HMBOX1: variants seen among roughly 807,000 people sequenced by gnomAD.
The protein encoded by HMBOX1 is homeobox-containing protein 1.
In HMBOX1, 14 loss-of-function variants were observed where a neutral mutation model predicts 54.5. The observed-to-expected ratio is 0.26, with a 90% CI of 0.17 to 0.40. HMBOX1 has a LOEUF of 0.40. HMBOX1 is among the 10% of genes least tolerant of loss of function. The pLI is 1.00. For synonymous variants in HMBOX1, 160 were observed against 181.0 expected, an observed-to-expected ratio of 0.88 and a Z score of 0.93; for missense variants, 332 against 514.4, an observed-to-expected ratio of 0.65 and a Z score of 3.43.
chr8:28,905,995 T>C (rs933661657), intron 1 of HMBOX1, among the ~76,000 whole-genome samples: 4 of 152,248 alleles, frequency 2.6e-5, no homozygotes, highest in African/African-American at 9.6e-5. Context: ...TTTGGCTACA[T>C]GAATTTATGC....
At chr8:28,941,867 T>C (rs1035214539) in intron 1 of HMBOX1, among the ~76,000 whole-genome samples, 1 of 152,232 alleles carries the variant, frequency 6.6e-6, no homozygotes, top group Non-Finnish European at 1.5e-5. Context: ...GAATAACTTT[T>C]AGTTTCCTCT....
At chr8:29,035,865 T>C (rs1199223517) in intron 6 of HMBOX1, among the ~76,000 whole-genome samples, 1 of 152,250 alleles carries the variant, frequency 6.6e-6, no homozygotes, top group Non-Finnish European at 1.5e-5. Context: ...TCAGTTTTAC[T>C]GTTTTTGTGT....
intron 6 of HMBOX1, among the ~76,000 whole-genome samples, chr8:29,023,537 G>A (rs1801533353): frequency 6.6e-6 from 1 of 151,398 alleles, no homozygotes; most frequent in Middle Eastern, 3.2e-3. Flanking sequence ...TGAGTAGCTG[G>A]GACTACAGGC....
intron 1 of HMBOX1, among the ~76,000 whole-genome samples, chr8:28,907,711 T>A (rs1255879674): frequency 2.0e-5 from 3 of 152,220 alleles, no homozygotes; most frequent in Non-Finnish European, 2.9e-5. Context: ...GACCACCGAA[T>A]TATAAAGCAC....
At chr8:28,986,525 G>A (rs1830184121) in intron 4 of HMBOX1, among the ~76,000 whole-genome samples, 1 of 152,156 alleles carries the variant, frequency 6.6e-6, no homozygotes, top group East Asian at 1.9e-4. Context: ...CCAGTTTTAT[G>A]TGGATCTCCA....
chr8:28,995,461 A>G (rs969929612), intron 4 of HMBOX1, among the ~76,000 whole-genome samples: 3 of 152,222 alleles, frequency 2.0e-5, no homozygotes, highest in Non-Finnish European at 4.4e-5. Context: ...TAATGCTGCT[A>G]TGAACATTTG....
chr8:28,893,881 T>C (rs1436479411), intron 1 of HMBOX1, among the ~76,000 whole-genome samples: 1 of 152,232 alleles, frequency 6.6e-6, no homozygotes, highest in Non-Finnish European at 1.5e-5. Context: ...TTTAGTTCTG[T>C]TCATTTCATT....
intron 1 of HMBOX1, among the ~76,000 whole-genome samples, chr8:28,943,498 T>A (rs1039622862): frequency 6.6e-6 from 1 of 152,198 alleles, no homozygotes; most frequent in Non-Finnish European, 1.5e-5. Context: ...TCTTCCTTCC[T>A]CCTGGTACAG....
rs746947306 is a variant in HMBOX1, at chr8:28,970,402, C to A, written c.383C>A (p.Ser128Tyr). The A allele has an allele frequency of 6.2e-7, 1 of 1,614,074 alleles. No individual in the cohort carries two copies. Among genetic ancestry groups the A allele is most frequent in the Non-Finnish European group, 8.5e-7 (1 of 1,179,942 alleles). The change falls in exon 3 of 10, where the codon TCC becomes TAC. Residue 128 changes from serine to tyrosine, a missense_variant. Physicochemically the swap from Ser to Tyr is moderately radical, Grantham distance 144 (BLOSUM62 -2). This residue lies in a region of HMBOX1 where 146 missense variants were observed against 173.3 expected (regional missense o/e 0.84). Transcript: ENST00000287701. The surrounding 1 kb of genome is among the most constrained non-coding windows in gnomAD (Gnocchi z 4.3). Reference protein sequence around the residue: ...GRENNERLSTSNGKMSPTRYH... With the variant: ...GRENNERLSTYNGKMSPTRYH... ...GAGAATAATGAGCGATTATCTACATCCAATGGAAAGATGTCACCAACTCGC... is the reference window on the plus strand; with the variant it reads ...GAGAATAATGAGCGATTATCTACATACAATGGAAAGATGTCACCAACTCGC...
chr8:28,941,243 T>G (rs1463093210), intron 1 of HMBOX1, among the ~76,000 whole-genome samples: 1 of 152,182 alleles, frequency 6.6e-6, no homozygotes, highest in Non-Finnish European at 1.5e-5. Flanking sequence ...ATATGTTAAC[T>G]CTGGTTAAAA....
intron 1 of HMBOX1, among the ~76,000 whole-genome samples, chr8:28,906,581 CTTATTA>C (rs745787820): frequency 2.8e-4 from 42 of 152,068 alleles, no homozygotes; most frequent in African/African-American, 9.4e-4. Context: ...AAAATGATGA[CTTATTA>C]TTATTATTAT....
At chr8:29,047,327 A>G (rs757814389) in intron 7 of HMBOX1, 31 bp from the exon 8 acceptor site, 11 of 1,224,070 alleles carry the variant, frequency 9.0e-6, no homozygotes, top group Admixed American at 1.7e-5. Flanking sequence ...CCAGATATAG[A>G]TTATCTGAAT....
chr8:29,034,465 T>G (rs898553205), intron 6 of HMBOX1, among the ~76,000 whole-genome samples: 3 of 152,260 alleles, frequency 2.0e-5, no homozygotes, highest in African/African-American at 7.2e-5. Flanking sequence ...TTTATTTAGC[T>G]TGTATACAAT....
chr8:28,994,682 G>A (rs1448163952), intron 4 of HMBOX1, among the ~76,000 whole-genome samples: 4 of 152,164 alleles, frequency 2.6e-5, no homozygotes, highest in African/African-American at 4.8e-5. Flanking sequence ...GATTCACATT[G>A]ACAGGTATTT....
At chr8:29,009,854 G>C (rs183019552) in intron 5 of HMBOX1, 1 of 1,196,620 alleles carries the variant, frequency 8.4e-7, no homozygotes, top group East Asian at 6.3e-5. Context: ...GAAGTTATGG[G>C]ACTATCTCAA....
rs1374813842 is a variant in HMBOX1 at position 29,009,086 on chromosome 8, C to T, written c.601C>T (p.Arg201Trp). Residue 201 changes from arginine (R) to tryptophan (W), a missense_variant, in exon 5 of 10, where the codon CGG becomes TGG. Physicochemically the swap from Arg to Trp is moderately radical, Grantham distance 101 (BLOSUM62 -3). Coordinates refer to ENST00000287701, the MANE Select transcript of HMBOX1 (RefSeq NM_001135726.3). ...TTTCTACATAGGTATCAGTCAGAGC[C>T]GGATCTCTCATTGGCTGTTGCAGCA... ...VAQVTGISQS[R>W]ISHWLLQQGS... The T allele has an allele frequency of 1.9e-6, 3 of 1,612,952 alleles. No individual in the cohort carries two copies. The highest frequency in any genetic ancestry group is 2.5e-6 in the Non-Finnish European group (3 of 1,179,060).
At chr8:29,042,547 G>C in intron 6 of HMBOX1, 1 of 434,960 alleles carries the variant, frequency 2.3e-6, no homozygotes, top group Non-Finnish European at 4.6e-6. Context: ...AAGACCAATA[G>C]AATTCCCAAC....
intron 1 of HMBOX1, among the ~76,000 whole-genome samples, chr8:28,934,720 T>C (rs1413595252): frequency 6.6e-6 from 1 of 151,126 alleles, no homozygotes; most frequent in Non-Finnish European, 1.5e-5. Context: ...GATCAGGAGA[T>C]CGAGACCATC....
intron 1 of HMBOX1, among the ~76,000 whole-genome samples, chr8:28,903,605 C>G (rs1813668472): frequency 6.6e-6 from 1 of 152,142 alleles, no homozygotes; most frequent in South Asian, 2.1e-4. Context: ...GGACTATCAT[C>G]ATGTACAAAG....
Sources: gnomAD v4.1 joint callset for allele counts (sites outside exome capture counted in the v4.1 genomes callset) on GRCh38, gnomAD v4.1.1 for gene constraint, gnomAD v4.1.1 regional missense constraint, Gnocchi (gnomAD v3.1) non-coding constraint, MANE v1.5 for transcripts, NCBI Gene and HGNC (gene_info 2026-07-23, HGNC 2026-07-21) for gene names.